Variants in CDK6 observed in about 807,000 individuals in gnomAD.
CDK6 encodes cyclin dependent kinase 6.
A neutral mutation model predicts 37.1 loss-of-function variants in CDK6; 6 were observed. That is an observed-to-expected ratio of 0.16 (90% confidence interval 0.09 to 0.32). CDK6 has a LOEUF of 0.32. Ranked by LOEUF, CDK6 falls within the 10% of genes least tolerant of loss-of-function variation. The pLI is 1.00. For missense variants in CDK6, 224 were observed against 418.9 expected, an observed-to-expected ratio of 0.53 and a Z score of 4.06; for synonymous variants, 160 against 161.3, an observed-to-expected ratio of 0.99 and a Z score of 0.06.
At position 92,608,307 on chromosome 7, in the gene CDK6, C is replaced by G; in HGVS notation, c.*6833G>C. On this transcript the variant is annotated 3_prime_UTR_variant, in exon 8 of 8. Coordinates refer to ENST00000424848, the MANE Select transcript of CDK6 (RefSeq NM_001145306.2). ...AACTCACACGGAAGATTCCTCTCAACATGAAAATCCCCTGCTACATGAGAT... is the reference window on the plus strand; with the variant it reads ...AACTCACACGGAAGATTCCTCTCAAGATGAAAATCCCCTGCTACATGAGAT... 4.3e-6 allele frequency: 1 copy of G among 232,150 alleles called. No homozygotes were observed. The highest frequency in any genetic ancestry group is 8.5e-6 in the Non-Finnish European group (1 of 117,436). The allele number at this position is 232,150 out of a possible 1,614,324, so 14.4% of individuals were successfully genotyped here.
intron 2 of CDK6, among the ~76,000 whole-genome samples, chr7:92,786,803 T>G (rs1800153308): frequency 2.6e-5 from 4 of 151,680 alleles, no homozygotes. Flanking sequence ...TGGAAAGACA[T>G]TCACAATATA....
chr7:92,667,511 G>T (rs1340402499), intron 5 of CDK6, among the ~76,000 whole-genome samples: 1 of 151,342 alleles, frequency 6.6e-6, no homozygotes, highest in Non-Finnish European at 1.5e-5. Flanking sequence ...GTTTTAAGAT[G>T]TGTCATTACA....
chr7:92,650,826 T>C (rs1796556263), intron 5 of CDK6, among the ~76,000 whole-genome samples: 2 of 152,206 alleles, frequency 1.3e-5, no homozygotes, highest in Non-Finnish European at 2.9e-5. Context: ...GCAAAGCATG[T>C]TTGATCCTTC....
intron 4 of CDK6, among the ~76,000 whole-genome samples, chr7:92,724,134 A>G (rs1585430656): frequency 1.3e-5 from 2 of 152,086 alleles, no homozygotes; most frequent in African/African-American, 4.8e-5. Flanking sequence ...GCCCCAAAAC[A>G]ACATGCGCAA....
intron 5 of CDK6, among the ~76,000 whole-genome samples, chr7:92,657,679 T>G (rs984170915): frequency 2.0e-5 from 3 of 152,180 alleles, no homozygotes; most frequent in African/African-American, 7.2e-5. Context: ...CAAACCAAAC[T>G]TAACAAAAGT....
intron 3 of CDK6, among the ~76,000 whole-genome samples, chr7:92,764,212 C>G (rs939872194): frequency 1.3e-5 from 2 of 150,276 alleles, no homozygotes; most frequent in East Asian, 3.9e-4. Context: ...GATCATGGTT[C>G]GCTGCAACCT....
intron 3 of CDK6, among the ~76,000 whole-genome samples, chr7:92,766,554 A>G (rs1303588676): frequency 6.6e-6 from 1 of 152,196 alleles, no homozygotes; most frequent in Non-Finnish European, 1.5e-5. Context: ...AAATGACATC[A>G]CTTGATTAGA....
chr7:92,798,363 T>C (rs564642250), intron 2 of CDK6, among the ~76,000 whole-genome samples: 1 of 152,324 alleles, frequency 6.6e-6, no homozygotes, highest in East Asian at 1.9e-4. Flanking sequence ...TCTAATGAAA[T>C]TACTTTAAAA....
intron 4 of CDK6, among the ~76,000 whole-genome samples, chr7:92,689,257 C>T (rs1354884780): frequency 6.6e-6 from 1 of 152,146 alleles, no homozygotes; most frequent in Non-Finnish European, 1.5e-5. Context: ...CACCCTCCAC[C>T]CTCCAATAGG....
intron 4 of CDK6, among the ~76,000 whole-genome samples, chr7:92,680,926 T>C (rs1189683743): frequency 6.6e-6 from 1 of 152,218 alleles, no homozygotes; most frequent in Non-Finnish European, 1.5e-5. Context: ...TCTATAGTAC[T>C]TGACCCTTTC....
intron 4 of CDK6, among the ~76,000 whole-genome samples, chr7:92,720,213 C>A (rs1480801464): frequency 6.6e-6 from 1 of 152,152 alleles, no homozygotes; most frequent in African/African-American, 2.4e-5. Context: ...AAAAAATATT[C>A]TTTAAAAATG....
At chr7:92,796,207 T>C (rs1214749401) in intron 2 of CDK6, among the ~76,000 whole-genome samples, 1 of 151,722 alleles carries the variant, frequency 6.6e-6, no homozygotes, top group African/African-American at 2.4e-5. Flanking sequence ...AATAAATATA[T>C]ATTTATACAA....
chr7:92,813,893 GTC>G (rs1800953905), intron 2 of CDK6, among the ~76,000 whole-genome samples: 1 of 152,138 alleles, frequency 6.6e-6, no homozygotes, highest in Non-Finnish European at 1.5e-5. Flanking sequence ...GGAAAAAAAA[GTC>G]TCATAGACCT....
At position 92,833,632 on chromosome 7, in the gene CDK6, A is replaced by G; in HGVS notation, c.-309T>C. 1.9e-6 allele frequency: 1 copy of G among 518,230 alleles called. No individual in the cohort carries two copies. The highest frequency in any genetic ancestry group is 3.4e-6 in the Non-Finnish European group (1 of 298,456). 32.1% of individuals were successfully genotyped at this position (518,230 alleles called of 1,614,324 possible). A position where few individuals can be genotyped will look rare whatever the true frequency, so the allele number is the denominator to read the frequency against. ...CTTCCCTCCTCGAAGCGAAGTCCTC[A>G]ACACAGACACGATTACATAGCCTCT... On this transcript the variant is annotated 5_prime_UTR_variant, in exon 2 of 8. Transcript: ENST00000424848. This position sits in a 1 kb window ranked among gnomAD's most constrained non-coding sequence, Gnocchi z 6.1.
At chr7:92,765,998 G>T (rs1049199912) in intron 3 of CDK6, among the ~76,000 whole-genome samples, 3 of 152,056 alleles carry the variant, frequency 2.0e-5, no homozygotes, top group Admixed American at 2.0e-4. Flanking sequence ...CAGAAAGAAG[G>T]CCACTGTGGC....
intron 3 of CDK6, among the ~76,000 whole-genome samples, chr7:92,752,439 A>T (rs1799210383): frequency 6.6e-6 from 1 of 152,194 alleles, no homozygotes; most frequent in Non-Finnish European, 1.5e-5. Context: ...GAATGCAGTG[A>T]GTCATTAGGA....
intron 4 of CDK6, among the ~76,000 whole-genome samples, chr7:92,719,368 TA>T (rs924694261): frequency 7.9e-5 from 12 of 151,986 alleles, no homozygotes; most frequent in East Asian, 5.8e-4. Context: ...GTTACAGATT[TA>T]AAAAAAAATT....
At chr7:92,688,271 T>A (rs1301062096) in intron 4 of CDK6, among the ~76,000 whole-genome samples, 1 of 152,168 alleles carries the variant, frequency 6.6e-6, no homozygotes, top group Admixed American at 6.5e-5. Context: ...TTCCCAACCA[T>A]TCGAATTAGT....
intron 2 of CDK6, among the ~76,000 whole-genome samples, chr7:92,778,941 AT>A (rs1562962884): frequency 5.5e-5 from 8 of 144,402 alleles, no homozygotes; most frequent in African/African-American, 2.1e-4. Flanking sequence ...ATATATATAT[AT>A]ATATAAGATA....
Sources: gnomAD v4.1 joint callset for allele counts (sites outside exome capture counted in the v4.1 genomes callset) on GRCh38, gnomAD v4.1.1 for gene constraint, Gnocchi (gnomAD v3.1) non-coding constraint, MANE v1.5 for transcripts, NCBI Gene and HGNC (gene_info 2026-07-23, HGNC 2026-07-21) for gene names.